Variants in STK10 observed in about 807,000 individuals in gnomAD.
STK10 encodes serine/threonine-protein kinase 10.
STK10 carries 78 observed loss-of-function variants against 113.8 expected under a neutral mutation model. The ratio of observed to expected loss-of-function variants is 0.69; its 90% CI spans 0.57 to 0.83. STK10 has a LOEUF of 0.83. Ranked by LOEUF, STK10 falls within the 40% of genes least tolerant of loss-of-function variation. STK10 has a pLI of 0.00. For synonymous variants in STK10, 465 were observed against 494.7 expected (o/e 0.94, Z 0.80); for missense variants, 1,109 against 1,280.1 (o/e 0.87, Z 2.04).
chr5:172,169,175 T>C (rs1342538325), intron 1 of STK10, among the ~76,000 whole-genome samples: 1 of 152,198 alleles, frequency 6.6e-6, no homozygotes, highest in Non-Finnish European at 1.5e-5. Flanking sequence ...CCTCCCCGAC[T>C]AGAATCTCTT....
intron 6 of STK10, 132 bp downstream of exon 6, chr5:172,106,488 C>T: frequency 9.7e-7 from 1 of 1,035,766 alleles, no homozygotes; most frequent in Non-Finnish European, 1.3e-6. Flanking sequence ...CCCCCAGGCC[C>T]CAACCTCTCC....
At position 172,093,742 on chromosome 5, in the gene STK10, C is replaced by A. The variant is rs1416324800; in HGVS notation, c.1224G>T (p.Val408=). The A allele has an allele frequency of 6.2e-7, 1 of 1,613,304 alleles. No individual in the cohort carries two copies. Among genetic ancestry groups the A allele is most frequent in the Non-Finnish European group, 8.5e-7 (1 of 1,179,278 alleles). Residue 408 remains valine (V), a synonymous_variant, in exon 9 of 19, where the codon GTG becomes GTT. Coordinates refer to ENST00000176763, the MANE Select transcript of STK10 (RefSeq NM_005990.4). The surrounding 1 kb of genome is among the most constrained non-coding windows in gnomAD (Gnocchi z 4.1). The part of the protein sequence containing the change: ...PGNENGLAVP[V]PLRKSRPVSM... ...ACACGGGTCGGGACTTCCGCAGGGG[C>A]ACAGGCACTGCCAGGCCGTTCTCAT...
chr5:172,054,423 A>G (rs183887636), intron 17 of STK10, 146 bp downstream of exon 17: 1 of 1,222,042 alleles, frequency 8.2e-7, no homozygotes, highest in Non-Finnish European at 1.1e-6. Context: ...GCCCTAGAGC[A>G]GCATGGCAGG....
intron 1 of STK10, among the ~76,000 whole-genome samples, chr5:172,169,405 C>T (rs1318936078): frequency 6.6e-6 from 1 of 150,880 alleles, no homozygotes; most frequent in Non-Finnish European, 1.5e-5. Context: ...GAGGAGTGAA[C>T]GGATGGGAGG....
rs921834051 is a variant in STK10, at chr5:172,182,525, G to A, written c.156+5362C>T. Among the ~76,000 whole-genome samples, 14 of 150,376 alleles carry A rather than the reference G, an allele frequency of 9.3e-5. No homozygotes were observed. The East Asian group carries it at 1.6e-3, about 17-fold the overall frequency. On this transcript the variant is annotated intron_variant, in intron 1 of 18. Coordinates refer to ENST00000176763, the MANE Select transcript of STK10 (RefSeq NM_005990.4). ...CAGCCTCCTGAGTAGCTGGGACCAC[G>A]GGCGCATGTCACCATGCCCAGCTCA...
At chr5:172,129,497 G>A (rs6893380) in intron 2 of STK10, among the ~76,000 whole-genome samples, 2 of 152,236 alleles carry the variant, frequency 1.3e-5, no homozygotes, top group East Asian at 1.9e-4. Context: ...CATCAGAAAT[G>A]GATCCATGCA....
intron 5 of STK10, among the ~76,000 whole-genome samples, chr5:172,107,384 G>A (rs1396401952): frequency 1.3e-5 from 2 of 152,172 alleles, no homozygotes; most frequent in Non-Finnish European, 2.9e-5. Context: ...GAAGTCCAGG[G>A]AGACTTCACA....
Position 172,082,196 on chromosome 5 carries a change from G to T in STK10, c.1989+130C>A. On this transcript the variant is annotated intron_variant, in intron 12 of 18. Transcript: ENST00000176763. The surrounding 1 kb of genome is among the most constrained non-coding windows in gnomAD (Gnocchi z 4.3). ...GCGCAGCTTGGGCACACAGATCCAG[G>T]CTCACCTGCTCCCGAGCTCTTCAGC... 1 of 1,033,066 alleles carries T rather than the reference G, an allele frequency of 9.7e-7. No individual in the cohort carries two copies. Among genetic ancestry groups the T allele is most frequent in the Non-Finnish European group, 1.3e-6 (1 of 755,454 alleles). 64.0% of individuals were successfully genotyped at this position (1,033,066 alleles called of 1,614,324 possible). A position where few individuals can be genotyped will look rare whatever the true frequency, so the allele number is the denominator to read the frequency against.
rs2113673506 is a variant in STK10 at position 172,043,588 on chromosome 5, A to G, written c.*1294T>C. On this transcript the variant is annotated 3_prime_UTR_variant, in exon 19 of 19. Transcript: ENST00000176763. ...ATAAAATAATTAGAAATCAGGGTGAAAAAAGGTTTCCTTGTAAGTAAACCC... is the reference window on the plus strand; with the variant it reads ...ATAAAATAATTAGAAATCAGGGTGAGAAAAGGTTTCCTTGTAAGTAAACCC... The G allele has an allele frequency of 6.6e-6, 1 of 152,348 alleles. No individual in the cohort carries two copies. The highest frequency in any genetic ancestry group is 2.1e-4 in the South Asian group (1 of 4,832). The allele number at this position is 152,348 out of a possible 1,614,324, so 9.4% of individuals were successfully genotyped here. A position where few individuals can be genotyped will look rare whatever the true frequency, so the allele number is the denominator to read the frequency against.
chr5:172,143,389 G>T (rs1328992634), intron 2 of STK10, among the ~76,000 whole-genome samples: 1 of 152,130 alleles, frequency 6.6e-6, no homozygotes, highest in Non-Finnish European at 1.5e-5. Context: ...AAAAAAGAAA[G>T]AAAGAAAATT....
intron 2 of STK10, among the ~76,000 whole-genome samples, chr5:172,138,048 G>A (rs960641192): frequency 6.6e-6 from 1 of 152,098 alleles, no homozygotes; most frequent in African/African-American, 2.4e-5. Flanking sequence ...ATAGCACTGA[G>A]AGTCCTAGCC....
intron 12 of STK10, among the ~76,000 whole-genome samples, chr5:172,071,297 A>AAAAG (rs1554116677): frequency 1.2e-4 from 16 of 128,178 alleles, no homozygotes; most frequent in East Asian, 5.9e-4. Flanking sequence ...AAAAAAAAAA[A>AAAAG]AAGAAGAAGA....
chr5:172,051,655 G>T (rs1767630625), intron 18 of STK10, among the ~76,000 whole-genome samples: 1 of 152,006 alleles, frequency 6.6e-6, no homozygotes, highest in Non-Finnish European at 1.5e-5. Flanking sequence ...GAAATCAACA[G>T]ATGGGTCACG....
At chr5:172,091,660 G>A (rs1420202263) in intron 9 of STK10, among the ~76,000 whole-genome samples, 1 of 151,720 alleles carries the variant, frequency 6.6e-6, no homozygotes, top group Non-Finnish European at 1.5e-5. Flanking sequence ...CCTCCTGAGT[G>A]GCTGGGATTA....
chr5:172,075,680 C>T (rs10476002), intron 12 of STK10, among the ~76,000 whole-genome samples: 32,136 of 151,936 alleles, frequency 0.21, 4,426 homozygotes, highest in African/African-American at 0.39. Flanking sequence ...AACTCCATCT[C>T]AAGATAAATA....
chr5:172,175,664 G>A (rs1770745872), intron 1 of STK10, among the ~76,000 whole-genome samples: 1 of 152,204 alleles, frequency 6.6e-6, no homozygotes, highest in Non-Finnish European at 1.5e-5. Flanking sequence ...TTGCAAAGAA[G>A]GGTGACATTC....
Position 172,156,638 on chromosome 5 carries a change from C to A in STK10, c.307G>T (p.Asp103Tyr). ...GGCAGCCTTACCCACAGCTTCCCGT[C>A]GTGATAGTAGGCTCCCAGGAGCTTC... is the stretch of plus-strand genomic sequence containing the variant. ...IVKLLGAYYH[D>Y]GKLWIMIEFC... The change falls in exon 2 of 19, where the codon GAC becomes TAC. Residue 103 changes from aspartate (D) to tyrosine (Y), a missense_variant. Physicochemically the swap from Asp to Tyr is radical, Grantham distance 160. This residue lies in a region of STK10 where 120 missense variants were observed against 134.8 expected (regional missense o/e 0.89). Coordinates refer to ENST00000176763, the MANE Select transcript of STK10 (RefSeq NM_005990.4). 1 of 1,613,470 alleles carries A rather than the reference C, an allele frequency of 6.2e-7. No individual in the cohort carries two copies. The highest frequency in any genetic ancestry group is 8.5e-7 in the Non-Finnish European group (1 of 1,179,612).
At chr5:172,075,515 A>G (rs1768287557) in intron 12 of STK10, among the ~76,000 whole-genome samples, 1 of 151,950 alleles carries the variant, frequency 6.6e-6, no homozygotes, top group African/African-American at 2.4e-5. Flanking sequence ...CATCTCTACT[A>G]AAAATACAAA....
chr5:172,142,388 C>G (rs1174723636), intron 2 of STK10, among the ~76,000 whole-genome samples: 2 of 152,164 alleles, frequency 1.3e-5, no homozygotes, highest in African/African-American at 4.8e-5. Context: ...TTCCACCCTT[C>G]TAAGTAATGC....
Sources: gnomAD v4.1 joint callset for allele counts (sites outside exome capture counted in the v4.1 genomes callset) on GRCh38, gnomAD v4.1.1 for gene constraint, gnomAD v4.1.1 regional missense constraint, Gnocchi (gnomAD v3.1) non-coding constraint, MANE v1.5 for transcripts, NCBI Gene and HGNC (gene_info 2026-07-23, HGNC 2026-07-21) for gene names.